IQSEC1: variants seen among roughly 807,000 people sequenced by gnomAD.
IQSEC1 encodes IQ motif and Sec7 domain ArfGEF 1.
A neutral mutation model predicts 91.0 loss-of-function variants in IQSEC1; 31 were observed. That is an observed-to-expected ratio of 0.34 (90% CI 0.26 to 0.46). The LOEUF (loss-of-function observed/expected upper bound fraction) is 0.46, where lower values mean the gene tolerates loss of function less well. Among genes scored for constraint, IQSEC1 ranks in the 20% least tolerant of loss-of-function variants. IQSEC1 has a pLI of 1.00. For synonymous variants in IQSEC1, 699 were observed against 662.6 expected, an observed-to-expected ratio of 1.05 and a Z score of -0.84; for missense variants, 1,388 against 1,575.6, an observed-to-expected ratio of 0.88 and a Z score of 2.02.
chr3:13,000,484 T>G (rs530012208), intron 1 of IQSEC1, among the ~76,000 whole-genome samples: 40 of 152,264 alleles, frequency 2.6e-4, no homozygotes, highest in African/African-American at 9.4e-4. Context: ...CTATTATTAA[T>G]AAAAATAACA....
chr3:13,154,805 C>A (rs189370302), intron 2 of IQSEC1, among the ~76,000 whole-genome samples: 1 of 151,726 alleles, frequency 6.6e-6, no homozygotes, highest in African/African-American at 2.4e-5. Flanking sequence ...AAGAAATCAA[C>A]AATAGAGGAA....
At chr3:13,034,629 G>A (rs1318586601) in intron 1 of IQSEC1, among the ~76,000 whole-genome samples, 1 of 152,186 alleles carries the variant, frequency 6.6e-6, no homozygotes, top group Non-Finnish European at 1.5e-5. Context: ...CAGGCAGCCC[G>A]TGACTCGCAC....
Position 13,282,486 on chromosome 3 carries a change from C to A in IQSEC1, c.272+225G>T, listed in dbSNP as rs1695813759. ...CTGAGCAGCTCCCTGGAGCCCTTTT[C>A]CAGGGAACCCAGTCCCCACCCGAGA... is the stretch of plus-strand genomic sequence containing the variant. On this transcript the variant is annotated intron_variant, in intron 1 of 15. Coordinates refer to the IQSEC1 transcript ENST00000648114. The surrounding 1 kb of genome is among the most constrained non-coding windows in gnomAD (Gnocchi z 6.4). 6.6e-6 allele frequency among the ~76,000 whole-genome samples: 1 copy of A among 152,068 alleles called. No homozygotes were observed. Among genetic ancestry groups the A allele is most frequent in the Non-Finnish European group, 1.5e-5 (1 of 67,958 alleles).
intron 1 of IQSEC1, among the ~76,000 whole-genome samples, chr3:13,181,098 C>G (rs902741453): frequency 5.3e-5 from 8 of 152,110 alleles, no homozygotes; most frequent in African/African-American, 1.9e-4. Context: ...GGTGAAACCC[C>G]GTCTCTACTA....
At chr3:13,069,520 C>T (rs949955094) in intron 1 of IQSEC1, among the ~76,000 whole-genome samples, 7 of 152,214 alleles carry the variant, frequency 4.6e-5, no homozygotes, top group Non-Finnish European at 1.0e-4. Context: ...GGCATCCCAC[C>T]AGAGGGAGAC....
intron 1 of IQSEC1, among the ~76,000 whole-genome samples, chr3:13,195,906 T>C (rs557111608): frequency 6.6e-6 from 1 of 152,342 alleles, no homozygotes; most frequent in East Asian, 1.9e-4. Flanking sequence ...GACTGTGGTT[T>C]TGTAAAATGT....
intron 8 of IQSEC1, 60 bp downstream of exon 8, chr3:12,915,044 A>C: frequency 6.5e-7 from 1 of 1,549,986 alleles, no homozygotes; most frequent in Non-Finnish European, 8.8e-7. Context: ...GGACTGGCTG[A>C]TGCTGGGCCT....
intron 1 of IQSEC1, among the ~76,000 whole-genome samples, chr3:12,999,296 G>A (rs1702334881): frequency 6.6e-6 from 1 of 152,170 alleles, no homozygotes; most frequent in Non-Finnish European, 1.5e-5. Flanking sequence ...ATATGGAATG[G>A]CTGCTGGGGA....
intron 1 of IQSEC1, among the ~76,000 whole-genome samples, chr3:13,027,736 T>A (rs1039496896): frequency 4.0e-5 from 6 of 151,770 alleles, no homozygotes; most frequent in Non-Finnish European, 8.8e-5. Context: ...TTTGGAGGGA[T>A]GATGAGGCAA....
rs1471795370 is a variant in IQSEC1 at position 12,901,093 on chromosome 3, G to A, written c.3235C>T (p.Leu1079=). 3.9e-6 allele frequency: 6 copies of A among 1,539,662 alleles called. No individual in the cohort carries two copies. In the East Asian group the frequency reaches 1.5e-4, roughly 38 times the overall value. ...YGAHAHGHPP[L]PSAHVGHTVH... ...GTGTGCCCCACGTGGGCCGAGGGCA[G>A]CGGCGGGTGGCCGTGGGCATGGGCC... is the stretch of plus-strand genomic sequence containing the variant. Residue 1079 remains leucine, a synonymous_variant, in exon 14 of 14, where the codon CTG becomes TTG. Transcript: ENST00000613206.
intron 2 of IQSEC1, among the ~76,000 whole-genome samples, chr3:13,135,482 G>A (rs565420634): frequency 1.3e-5 from 2 of 152,330 alleles, no homozygotes; most frequent in African/African-American, 4.8e-5. Flanking sequence ...GTGAGGCCAG[G>A]GCCCAGGAGG....
At chr3:13,204,346 C>T (rs371876097) in intron 1 of IQSEC1, among the ~76,000 whole-genome samples, 24 of 152,388 alleles carry the variant, frequency 1.6e-4, no homozygotes, top group Admixed American at 7.2e-4. Context: ...CCAAGAGAGA[C>T]GGAGAAACGG....
intron 1 of IQSEC1, among the ~76,000 whole-genome samples, chr3:13,231,836 C>A (rs937641299): frequency 2.6e-5 from 4 of 152,200 alleles, no homozygotes; most frequent in African/African-American, 9.6e-5. Flanking sequence ...TGAACTTGAC[C>A]AAAGCTGTTC....
chr3:13,183,972 A>G (rs1323190147), intron 1 of IQSEC1, among the ~76,000 whole-genome samples: 1 of 152,272 alleles, frequency 6.6e-6, no homozygotes. Context: ...GAAATAGATT[A>G]AAATAATAGT....
At chr3:13,078,676 G>A (rs969024042) in intron 2 of IQSEC1, among the ~76,000 whole-genome samples, 4 of 152,186 alleles carry the variant, frequency 2.6e-5, no homozygotes, top group East Asian at 1.9e-4. Context: ...ATCCAGCTGC[G>A]TGCTCTGCTG....
At chr3:12,929,705 CTCT>C (rs935959788) in intron 3 of IQSEC1, among the ~76,000 whole-genome samples, 6 of 152,212 alleles carry the variant, frequency 3.9e-5, no homozygotes, top group African/African-American at 1.4e-4. Flanking sequence ...CTTTCTTTAG[CTCT>C]TCTTGATTCC....
rs530553272 is a variant in IQSEC1 at position 13,247,586 on chromosome 3, C to T, written c.272+35125G>A. On this transcript the variant is annotated intron_variant, in intron 1 of 15. Transcript: ENST00000648114. ...GCCTGGAGCTGAAGCAGAAATTTCT[C>T]TCTCATAATTTTCACTCCATGAGCC... Among the ~76,000 whole-genome samples the T allele has an allele frequency of 4.6e-5, 7 of 152,336 alleles. No individual in the cohort carries two copies. The South Asian group carries it at 1.5e-3, about 32-fold the overall frequency.
At chr3:13,044,792 T>G (rs1459050059) in intron 1 of IQSEC1, among the ~76,000 whole-genome samples, 1 of 152,256 alleles carries the variant, frequency 6.6e-6, no homozygotes, top group Non-Finnish European at 1.5e-5. Flanking sequence ...CTGGGACCTT[T>G]GTTTCTGAAT....
At chr3:12,972,951 C>T (rs1700977981) in intron 1 of IQSEC1, among the ~76,000 whole-genome samples, 1 of 152,234 alleles carries the variant, frequency 6.6e-6, no homozygotes, top group African/African-American at 2.4e-5. Flanking sequence ...GCCCATCCCC[C>T]AGAACAGAAA....
Sources: gnomAD v4.1 joint callset for allele counts (sites outside exome capture counted in the v4.1 genomes callset) on GRCh38, gnomAD v4.1.1 for gene constraint, Gnocchi (gnomAD v3.1) non-coding constraint, MANE v1.5 for transcripts, NCBI Gene and HGNC (gene_info 2026-07-23, HGNC 2026-07-21) for gene names.